AOPEP: variants seen among roughly 807,000 people sequenced by gnomAD.
AOPEP encodes aminopeptidase O (putative).
A neutral mutation model predicts 98.1 loss-of-function variants in AOPEP; 77 were observed. The observed-to-expected ratio is 0.78, with a 90% CI of 0.65 to 0.95. The LOEUF (loss-of-function observed/expected upper bound fraction) is 0.95. Among genes scored for constraint, AOPEP ranks in the 40% least tolerant of loss-of-function variants. The pLI, the probability that AOPEP is intolerant of heterozygous loss-of-function variation, is 0.00. For missense variants in AOPEP, 1,024 were observed against 1,024.7 expected (o/e 1.00, Z 0.01); for synonymous variants, 346 against 365.3 (o/e 0.95, Z 0.60).
chr9:95,111,198 A>C, the AOPEP span: 2 of 1,536,230 alleles, frequency 1.3e-6, no homozygotes, highest in African/African-American at 1.4e-5. Flanking sequence ...ATAACAGATC[A>C]AATGACCTTG....
intron 5 of AOPEP, among the ~76,000 whole-genome samples, chr9:94,856,641 TAAAAAAAAAAAAA>T (rs35234682): frequency 7.8e-6 from 1 of 128,586 alleles, no homozygotes; most frequent in South Asian, 2.4e-4. Context: ...AACTCCGTCT[TAAAAAAAAAAAAA>T]AAAAAAAAAG....
chr9:94,857,382 C>T lies in AOPEP; in HGVS notation c.1364+56380C>T, dbSNP rs547533045. The stretch of plus-strand genomic sequence containing the variant: ...TATTGACAACAGCTTTGGAAATTTC[C>T]GATTTGCTTTGGTAGGATTAATCTC... On this transcript the variant is annotated intron_variant, in intron 5 of 16. Transcript: ENST00000375315. Among the ~76,000 whole-genome samples, 28 of 152,288 alleles carry T rather than the reference C, an allele frequency of 1.8e-4. 1 individual carries two copies. Among genetic ancestry groups the T allele is most frequent in the South Asian group, 8.3e-4 (4 of 4,816 alleles).
intron 5 of AOPEP, among the ~76,000 whole-genome samples, chr9:94,903,577 C>T (rs1009260108): frequency 1.3e-5 from 2 of 150,506 alleles, no homozygotes; most frequent in Admixed American, 1.3e-4. Context: ...TTGCTTGAGG[C>T]CAGGAGTTCA....
intron 5 of AOPEP, among the ~76,000 whole-genome samples, chr9:94,804,543 C>G (rs569469415): frequency 6.6e-6 from 1 of 152,172 alleles, no homozygotes; most frequent in Non-Finnish European, 1.5e-5. Context: ...AAAAAAATGA[C>G]TATAGTGTGG....
chr9:95,107,065 C>A, the AOPEP span: 2 of 1,614,142 alleles, frequency 1.2e-6, no homozygotes, highest in Non-Finnish European at 1.7e-6. Flanking sequence ...GGGAGACTTA[C>A]CAGGGTGATG....
intron 15 of AOPEP, 42 bp downstream of exon 15, chr9:95,080,822 G>A (rs560499378): frequency 1.6e-5 from 21 of 1,303,778 alleles, no homozygotes; most frequent in Admixed American, 3.4e-5. Flanking sequence ...TGTAAAGGCT[G>A]TCCCTGCACT....
chr9:94,828,001 GA>G (rs1051613181), intron 5 of AOPEP, among the ~76,000 whole-genome samples: 10 of 152,146 alleles, frequency 6.6e-5, no homozygotes, highest in African/African-American at 2.2e-4. Context: ...TGAGAACAGA[GA>G]AAAAAAGAAG....
At chr9:94,793,132 GA>G (rs1846103111) in intron 4 of AOPEP, among the ~76,000 whole-genome samples, 1 of 152,174 alleles carries the variant, frequency 6.6e-6, no homozygotes, top group Non-Finnish European at 1.5e-5. Flanking sequence ...TTGGGAGGCC[GA>G]GGCGGGTGGA....
intron 13 of AOPEP, among the ~76,000 whole-genome samples, chr9:95,032,530 T>C (rs2064405891): frequency 6.6e-6 from 1 of 152,214 alleles, no homozygotes; most frequent in South Asian, 2.1e-4. Context: ...CAGCGAAAGG[T>C]GGCGATGTGC....
In AOPEP at chr9:94,793,063, C is replaced by A. The variant is rs1007085112; in HGVS notation, c.1118+145C>A. 7 of 1,000,302 alleles carry A rather than the reference C, an allele frequency of 7.0e-6. No homozygotes were observed. The Admixed American group carries it at 7.6e-5, about 11-fold the overall frequency. The allele number at this position is 1,000,302 out of a possible 1,614,324, so 62.0% of individuals were successfully genotyped here. A position where few individuals can be genotyped will look rare whatever the true frequency, so the allele number is the denominator to read the frequency against. ...TAGGATTAATCAAAGCAGGAAAAGC[C>A]CTATTAGAAAGGAAAGAGAGGGCTA... On this transcript the variant is annotated intron_variant, in intron 4 of 16. Coordinates refer to ENST00000375315, the MANE Select transcript of AOPEP (RefSeq NM_001193329.3).
At chr9:95,121,479 G>A in the AOPEP span, among the ~76,000 whole-genome samples, 1 of 152,214 alleles carries the variant, frequency 6.6e-6, no homozygotes, top group South Asian at 2.1e-4. Context: ...CAGGATCTAT[G>A]AAAGTTGAAC....
chr9:94,838,198 A>T (rs1335174225), intron 5 of AOPEP, among the ~76,000 whole-genome samples: 1 of 152,180 alleles, frequency 6.6e-6, no homozygotes, highest in South Asian at 2.1e-4. Flanking sequence ...TTTAGTAGAG[A>T]TGGGGTTTCA....
intron 1 of AOPEP, among the ~76,000 whole-genome samples, chr9:94,739,945 A>T (rs111704696): frequency 3.3e-5 from 5 of 152,316 alleles, no homozygotes; most frequent in African/African-American, 1.2e-4. Context: ...ATTTTAAAAG[A>T]TACCTCAGAT....
chr9:94,750,659 C>T (rs1258476518), intron 1 of AOPEP, among the ~76,000 whole-genome samples: 1 of 152,138 alleles, frequency 6.6e-6, no homozygotes, highest in Non-Finnish European at 1.5e-5. Flanking sequence ...GCTTAGCGTT[C>T]CATTACTGGA....
In AOPEP at chr9:94,760,646, A is replaced by C. The variant is rs538464704; in HGVS notation, c.797+66A>C. ...CTTGTACGCTGCGGGGATGCTTTCA[A>C]ACATGAGACCGGCTCTGCAGAGATG... is the stretch of plus-strand genomic sequence containing the variant. On this transcript the variant is annotated intron_variant, in intron 2 of 16. Coordinates refer to ENST00000375315, the MANE Select transcript of AOPEP (RefSeq NM_001193329.3). 5 of 1,303,986 alleles carry C rather than the reference A, an allele frequency of 3.8e-6. No individual in the cohort carries two copies. In the East Asian group the frequency reaches 1.2e-4, roughly 31 times the overall value. 80.8% of individuals were successfully genotyped at this position (1,303,986 alleles called of 1,614,324 possible). A position where few individuals can be genotyped will look rare whatever the true frequency, so the allele number is the denominator to read the frequency against.
intron 10 of AOPEP, among the ~76,000 whole-genome samples, chr9:94,971,891 G>A (rs1008057463): frequency 3.3e-5 from 5 of 152,224 alleles, no homozygotes; most frequent in African/African-American, 1.2e-4. Flanking sequence ...GACACAGAGA[G>A]GGTCCATCAG....
chr9:95,041,447 GT>G lies in AOPEP; in HGVS notation c.2116-19246del, dbSNP rs1435901060. 2.3e-3 allele frequency among the ~76,000 whole-genome samples: 320 copies of G among 138,280 alleles called. 1 individual carries two copies. The highest frequency in any genetic ancestry group is 9.5e-3 in the African/African-American group (305 of 31,972). 90.7% of individuals were successfully genotyped at this position (138,280 alleles called of 152,430 possible). A position where few individuals can be genotyped will look rare whatever the true frequency, so the allele number is the denominator to read the frequency against. On this transcript the variant is annotated intron_variant, in intron 13 of 16. Transcript: ENST00000375315. ...TACTGTGTACTCAGAGTCCTTGGGG[GT>G]GTGTGTGTGTGTGTGTGTGTGTGTG...
rs890493756 is a variant in AOPEP at position 94,907,760 on chromosome 9, C to T, written c.1365-16226C>T. Among the ~76,000 whole-genome samples the T allele has an allele frequency of 9.8e-5, 15 of 152,292 alleles. No individual in the cohort carries two copies. The South Asian group carries it at 2.7e-3, about 27-fold the overall frequency. On this transcript the variant is annotated intron_variant, in intron 5 of 16. Coordinates refer to ENST00000375315, the MANE Select transcript of AOPEP (RefSeq NM_001193329.3). ...ATTCGAGGCATGTCCCTCTCAACAG[C>T]TGACCAAGGTGCAGGCAGCTAGCTA... is the stretch of plus-strand genomic sequence containing the variant.
chr9:94,913,071 T>C (rs2052317171), intron 5 of AOPEP, among the ~76,000 whole-genome samples: 1 of 152,204 alleles, frequency 6.6e-6, no homozygotes, highest in African/African-American at 2.4e-5. Context: ...AATGGGGACA[T>C]GGGCAGGCAG....
Sources: allele counts gnomAD v4.1 joint callset (sites outside exome capture counted in the v4.1 genomes callset), GRCh38; gene constraint gnomAD v4.1.1; transcripts MANE v1.5; gene names NCBI Gene and HGNC (gene_info 2026-07-23, HGNC 2026-07-21).